LSAMP: variants seen among roughly 807,000 people sequenced by gnomAD.
LSAMP encodes the protein limbic system-associated membrane protein.
In LSAMP, 7 loss-of-function variants were observed where a neutral mutation model predicts 38.6. The observed-to-expected ratio is 0.18, with a 90% CI of 0.10 to 0.34. The LOEUF (loss-of-function observed/expected upper bound fraction) is 0.34. LSAMP is among the 10% of genes least tolerant of loss of function. The pLI is 1.00. For synonymous variants in LSAMP, 154 were observed against 166.8 expected, an observed-to-expected ratio of 0.92 and a Z score of 0.59; for missense variants, 313 against 420.0, an observed-to-expected ratio of 0.75 and a Z score of 2.23.
At chr3:116,082,059 GA>G (rs1707883200) in intron 2 of LSAMP, among the ~76,000 whole-genome samples, 1 of 152,122 alleles carries the variant, frequency 6.6e-6, no homozygotes, top group Non-Finnish European at 1.5e-5. Flanking sequence ...TTAAAAATAA[GA>G]TTCTCGTTTT....
chr3:115,981,392 GT>G (rs34983746), intron 3 of LSAMP, among the ~76,000 whole-genome samples: 1 of 151,464 alleles, frequency 6.6e-6, no homozygotes, highest in Non-Finnish European at 1.5e-5. Context: ...TTGAGCTTCT[GT>G]TTTTTTCCCT....
At chr3:115,846,968 C>G (rs575869729) in intron 4 of LSAMP, among the ~76,000 whole-genome samples, 66 of 152,250 alleles carry the variant, frequency 4.3e-4, no homozygotes, top group African/African-American at 1.5e-3. Flanking sequence ...CAGCCCCTCA[C>G]CTAGGAATAT....
intron 1 of LSAMP, among the ~76,000 whole-genome samples, chr3:116,105,561 C>T (rs966970186): frequency 2.0e-5 from 3 of 151,754 alleles, no homozygotes; most frequent in Non-Finnish European, 4.4e-5. Context: ...GGGCGGGGGT[C>T]ACAAGGTGCT....
At chr3:115,959,824 A>G (rs1938568695) in intron 3 of LSAMP, among the ~76,000 whole-genome samples, 1 of 152,210 alleles carries the variant, frequency 6.6e-6, no homozygotes, top group South Asian at 2.1e-4. Context: ...TGTTAGATCT[A>G]TTCCAAAGTT....
intron 1 of LSAMP, among the ~76,000 whole-genome samples, chr3:116,110,406 G>A (rs1367008918): frequency 6.6e-6 from 1 of 152,194 alleles, no homozygotes; most frequent in Non-Finnish European, 1.5e-5. Flanking sequence ...TTGAAACATG[G>A]GTGAATAATC....
chr3:116,085,572 A>C (rs1452329893), intron 2 of LSAMP, among the ~76,000 whole-genome samples: 1 of 152,216 alleles, frequency 6.6e-6, no homozygotes, highest in African/African-American at 2.4e-5. Flanking sequence ...GTTGGGCTTC[A>C]CTTGCAATAA....
At chr3:115,820,828 TTTC>T (rs1052763109) in intron 6 of LSAMP, among the ~76,000 whole-genome samples, 17 of 152,190 alleles carry the variant, frequency 1.1e-4, no homozygotes, top group Non-Finnish European at 2.1e-4. Context: ...GAGATTCTAT[TTTC>T]TTTTTAGAAC....
intron 2 of LSAMP, among the ~76,000 whole-genome samples, chr3:116,039,157 A>G (rs532969333): frequency 6.6e-6 from 1 of 152,218 alleles, no homozygotes; most frequent in East Asian, 1.9e-4. Flanking sequence ...TGAAAGCTCA[A>G]CAATACATGT....
At chr3:115,842,109 G>C in intron 5 of LSAMP, 116 bp from the exon 6 acceptor site, 1 of 1,053,752 alleles carries the variant, frequency 9.5e-7, no homozygotes, top group Non-Finnish European at 1.4e-6. Context: ...GCTAGAGTTT[G>C]TTGTTCCATG....
At chr3:116,046,910 C>T (rs1453593535) in intron 2 of LSAMP, among the ~76,000 whole-genome samples, 1 of 152,124 alleles carries the variant, frequency 6.6e-6, no homozygotes, top group African/African-American at 2.4e-5. Context: ...AGCAACTATT[C>T]CAGGGGCTCA....
intron 2 of LSAMP, among the ~76,000 whole-genome samples, chr3:116,057,794 A>G (rs1435298102): frequency 2.0e-5 from 3 of 152,146 alleles, no homozygotes; most frequent in Admixed American, 6.6e-5. Flanking sequence ...TTCCAGTTAC[A>G]TGGGGGCATA....
intron 1 of LSAMP, among the ~76,000 whole-genome samples, chr3:116,290,310 G>A (rs951306336): frequency 6.6e-6 from 1 of 152,032 alleles, no homozygotes; most frequent in African/African-American, 2.4e-5. Context: ...TTGACACAGG[G>A]AAAATATTAA....
At chr3:116,045,937 C>G (rs1478244216) in intron 2 of LSAMP, among the ~76,000 whole-genome samples, 1 of 152,184 alleles carries the variant, frequency 6.6e-6, no homozygotes, top group Admixed American at 6.5e-5. Context: ...TCATAGCTTA[C>G]AGGGTCAGAG....
chr3:115,847,647 A>T (rs1201379341), intron 4 of LSAMP, among the ~76,000 whole-genome samples: 1 of 152,058 alleles, frequency 6.6e-6, no homozygotes, highest in Non-Finnish European at 1.5e-5. Flanking sequence ...TTCTCATGAG[A>T]TCTGATGGTT....
chr3:116,143,037 A>T (rs1254300036), intron 1 of LSAMP, among the ~76,000 whole-genome samples: 1 of 149,094 alleles, frequency 6.7e-6, no homozygotes, highest in African/African-American at 2.4e-5. Context: ...TATCTATAAT[A>T]TATAACTACA....
chr3:116,008,682 C>A (rs1467475694), intron 3 of LSAMP, among the ~76,000 whole-genome samples: 1 of 151,524 alleles, frequency 6.6e-6, no homozygotes, highest in Non-Finnish European at 1.5e-5. Flanking sequence ...CCACTCCCCA[C>A]CAATATTTTT....
intron 1 of LSAMP, among the ~76,000 whole-genome samples, chr3:116,088,572 A>G (rs1235558835): frequency 6.6e-6 from 1 of 152,182 alleles, no homozygotes; most frequent in Non-Finnish European, 1.5e-5. Flanking sequence ...TGTTGAATGT[A>G]GATTTACCAT....
In LSAMP at chr3:116,190,957, A is replaced by C. The variant is rs539536601; in HGVS notation, c.156-104401T>G. On this transcript the variant is annotated intron_variant, in intron 1 of 6. Coordinates refer to ENST00000490035, the MANE Select transcript of LSAMP (RefSeq NM_002338.5). ...TAGTTGAATTTGTGAGGCTGTGTCA[A>C]ATTTAGTTTTCTAAGACTCATGGTT... is the stretch of plus-strand genomic sequence containing the variant. 2.6e-5 allele frequency among the ~76,000 whole-genome samples: 4 copies of C among 152,328 alleles called. No individual in the cohort carries two copies. The South Asian group carries it at 8.3e-4, about 32-fold the overall frequency.
intron 1 of LSAMP, among the ~76,000 whole-genome samples, chr3:116,246,609 A>G (rs12632818): frequency 1.3e-5 from 2 of 152,160 alleles, no homozygotes; most frequent in Non-Finnish European, 2.9e-5. Flanking sequence ...TAGCGATGCC[A>G]TCCTTCCATT....
Sources: allele counts gnomAD v4.1 joint callset (sites outside exome capture counted in the v4.1 genomes callset), GRCh38; gene constraint gnomAD v4.1.1; transcripts MANE v1.5; gene names NCBI Gene and HGNC (gene_info 2026-07-23, HGNC 2026-07-21).